The following HDAC9 variants were observed in gnomAD, a reference collection of about 807,000 sequenced individuals.
HDAC9 encodes MEF-2 interacting transcription repressor (MITR) protein.
In HDAC9, 41 loss-of-function variants were observed where a neutral mutation model predicts 139.4. That is an observed-to-expected ratio of 0.29 (90% CI 0.23 to 0.38). The LOEUF (loss-of-function observed/expected upper bound fraction) is 0.38. Among genes scored for constraint, HDAC9 ranks in the 10% least tolerant of loss-of-function variants. The pLI is 1.00. For missense variants in HDAC9, 1,147 were observed against 1,297.0 expected (o/e 0.88, Z 1.78); for synonymous variants, 517 against 476.2 (o/e 1.09, Z -1.12).
At chr7:18,475,777 C>G (rs148510774) in intron 1 of HDAC9, among the ~76,000 whole-genome samples, 1 of 152,198 alleles carries the variant, frequency 6.6e-6, no homozygotes, top group Admixed American at 6.5e-5. Context: ...GTGTTAGGCT[C>G]TAGCTTCTGT....
At chr7:18,122,607 A>G (rs987359454) in intron 1 of HDAC9, among the ~76,000 whole-genome samples, 5 of 152,000 alleles carry the variant, frequency 3.3e-5, no homozygotes, top group Non-Finnish European at 5.9e-5. Flanking sequence ...TGGGTCTATC[A>G]TTATTTTTAA....
At chr7:18,487,650 G>C (rs1796071195) in intron 1 of HDAC9, among the ~76,000 whole-genome samples, 1 of 152,086 alleles carries the variant, frequency 6.6e-6, no homozygotes, top group Non-Finnish European at 1.5e-5. Flanking sequence ...AGTAAAATAT[G>C]TTTTAGGTAC....
At position 18,629,501 on chromosome 7, in the gene HDAC9, A is replaced by T; in HGVS notation, c.796+20A>T. ...TGACAGGTAATTGAGGACTGGGCAG[A>T]CCTATGAATGCTGGGAGTAGGAATG... On this transcript the variant is annotated intron_variant, in intron 7 of 25. Coordinates refer to ENST00000686413, the MANE Select transcript of HDAC9 (RefSeq NM_178425.4). The T allele has an allele frequency of 1.2e-6, 2 of 1,603,346 alleles. No individual in the cohort carries two copies. The highest frequency in any genetic ancestry group is 1.7e-6 in the Non-Finnish European group (2 of 1,174,682).
At chr7:18,496,398 G>A (rs950337481) in intron 2 of HDAC9, 74 bp downstream of exon 2, 4 of 1,316,672 alleles carry the variant, frequency 3.0e-6, no homozygotes, top group Non-Finnish European at 4.4e-6. Flanking sequence ...GCTAAGAAAA[G>A]CACCTCTCTT....
At chr7:18,577,100 T>G (rs1826213636) in intron 2 of HDAC9, among the ~76,000 whole-genome samples, 1 of 152,234 alleles carries the variant, frequency 6.6e-6, no homozygotes, top group South Asian at 2.1e-4. Flanking sequence ...GGAAACTTTT[T>G]TTAGTCTCAT....
chr7:18,772,573 G>A (rs889482233), intron 16 of HDAC9, among the ~76,000 whole-genome samples: 2 of 151,986 alleles, frequency 1.3e-5, no homozygotes, highest in African/African-American at 4.8e-5. Context: ...CTTGCAATCA[G>A]TACTTCATTT....
At chr7:18,762,583 C>G (rs1186748647) in intron 15 of HDAC9, among the ~76,000 whole-genome samples, 1 of 152,170 alleles carries the variant, frequency 6.6e-6, no homozygotes. Context: ...TGTTTTCAAA[C>G]TTAAAGTAGA....
intron 2 of HDAC9, among the ~76,000 whole-genome samples, chr7:18,183,841 A>G (rs974906092): frequency 6.6e-6 from 1 of 152,188 alleles, no homozygotes; most frequent in South Asian, 2.1e-4. Context: ...ATGGTAAAGT[A>G]TCCTGGGCTG....
At chr7:18,435,945 T>TTATA (rs145366181) in intron 1 of HDAC9, among the ~76,000 whole-genome samples, 1 of 148,138 alleles carries the variant, frequency 6.8e-6, no homozygotes, top group Non-Finnish European at 1.5e-5. Context: ...ACTGGAAAAT[T>TTATA]TATATATATA....
intron 2 of HDAC9, among the ~76,000 whole-genome samples, chr7:18,205,198 C>T (rs1425126828): frequency 6.6e-6 from 1 of 151,742 alleles, no homozygotes; most frequent in East Asian, 1.9e-4. Context: ...TTTAAATTTC[C>T]CCTTTATCAT....
intron 1 of HDAC9, among the ~76,000 whole-genome samples, chr7:18,441,169 C>G (rs977982776): frequency 1.3e-5 from 2 of 152,136 alleles, no homozygotes; most frequent in Admixed American, 1.3e-4. Flanking sequence ...ATTTGTATAT[C>G]AAAGAACATG....
At chr7:18,321,010 G>T (rs1179021376) in intron 1 of HDAC9, among the ~76,000 whole-genome samples, 1 of 152,152 alleles carries the variant, frequency 6.6e-6, no homozygotes, top group Non-Finnish European at 1.5e-5. Flanking sequence ...GTCTTAGGTT[G>T]AACATATGCA....
At chr7:18,143,076 C>G (rs1786028374) in intron 1 of HDAC9, among the ~76,000 whole-genome samples, 1 of 152,176 alleles carries the variant, frequency 6.6e-6, no homozygotes, top group African/African-American at 2.4e-5. Flanking sequence ...GCTTCCAAAA[C>G]TCCATCCCCT....
intron 24 of HDAC9, among the ~76,000 whole-genome samples, chr7:18,968,749 G>A (rs1019586606): frequency 1.1e-4 from 16 of 152,040 alleles, no homozygotes; most frequent in African/African-American, 3.9e-4. Flanking sequence ...CAGGAGGTCA[G>A]GAGATCGAGA....
At chr7:18,855,883 C>T (rs543775400) in intron 21 of HDAC9, among the ~76,000 whole-genome samples, 6 of 152,034 alleles carry the variant, frequency 3.9e-5, no homozygotes, top group African/African-American at 1.4e-4. Flanking sequence ...TTCTGTGCAC[C>T]GTCATCTTCC....
At chr7:18,239,091 A>AT (rs1444981339) in intron 2 of HDAC9, among the ~76,000 whole-genome samples, 1 of 151,934 alleles carries the variant, frequency 6.6e-6, no homozygotes, top group African/African-American at 2.4e-5. Flanking sequence ...CTAGTTTGTC[A>AT]CTATACTTCT....
rs114057491 is a variant in HDAC9 at position 18,757,678 on chromosome 7, C to G, written c.2044-4479C>G. 3.2e-3 allele frequency among the ~76,000 whole-genome samples: 480 copies of G among 152,278 alleles called. 1 individual carries two copies. Among genetic ancestry groups the G allele is most frequent in the African/African-American group, 0.011 (460 of 41,558 alleles). ...GAACACAGGAGGGAAAGGAATAGAACTGTTTCCTTTTTTCCCTGCTCCTTG... is the reference window on the plus strand; with the variant it reads ...GAACACAGGAGGGAAAGGAATAGAAGTGTTTCCTTTTTTCCCTGCTCCTTG... On this transcript the variant is annotated intron_variant, in intron 14 of 25. Transcript: ENST00000686413.
At chr7:18,576,994 T>C (rs1826176117) in intron 2 of HDAC9, among the ~76,000 whole-genome samples, 2 of 152,214 alleles carry the variant, frequency 1.3e-5, no homozygotes, top group Non-Finnish European at 2.9e-5. Context: ...TTCCATGACA[T>C]ACTTCCACCA....
At chr7:18,745,012 T>A (rs2129144190) in intron 13 of HDAC9, among the ~76,000 whole-genome samples, 2 of 152,310 alleles carry the variant, frequency 1.3e-5, no homozygotes, top group African/African-American at 4.8e-5. Flanking sequence ...GGAGAAAAAT[T>A]AATTAATCTA....
Sources: gnomAD v4.1 joint callset for allele counts (sites outside exome capture counted in the v4.1 genomes callset) on GRCh38, gnomAD v4.1.1 for gene constraint, MANE v1.5 for transcripts, NCBI Gene and HGNC (gene_info 2026-07-23, HGNC 2026-07-21) for gene names.